The following PSMB2 variants were observed in gnomAD, a reference collection of about 807,000 sequenced individuals.
The protein encoded by PSMB2 is proteasome 20S subunit beta 2, also known as proteasome subunit beta type-2.
PSMB2 carries 13 observed loss-of-function variants against 25.7 expected under a neutral mutation model. That is an observed-to-expected ratio of 0.51 (90% CI 0.33 to 0.80). PSMB2 has a LOEUF of 0.80. Among genes scored for constraint, PSMB2 ranks in the 30% least tolerant of loss-of-function variants. PSMB2 has a pLI of 0.02. For missense variants in PSMB2, 202 were observed against 259.0 expected (o/e 0.78, Z 1.51); for synonymous variants, 87 against 96.2 (o/e 0.90, Z 0.56).
chr1:35,611,295 G>A (rs900017850), intron 3 of PSMB2, among the ~76,000 whole-genome samples: 5 of 152,072 alleles, frequency 3.3e-5, no homozygotes, highest in African/African-American at 1.2e-4. Flanking sequence ...TGATTAACAC[G>A]GCCACTTGGC....
intron 3 of PSMB2, among the ~76,000 whole-genome samples, chr1:35,610,430 GAGAA>G (rs758073469): frequency 4.9e-4 from 74 of 151,988 alleles, no homozygotes; most frequent in Middle Eastern, 3.4e-3. Context: ...CAAAAAAAAA[GAGAA>G]AGAGAGAGAA....
chr1:35,626,718 G>C (rs1269552021), intron 3 of PSMB2, among the ~76,000 whole-genome samples: 1 of 152,180 alleles, frequency 6.6e-6, no homozygotes, highest in Non-Finnish European at 1.5e-5. Context: ...GTAAAATGGG[G>C]ATAACACACA....
chr1:35,616,004 A>G (rs114895431), intron 3 of PSMB2, among the ~76,000 whole-genome samples: 12 of 152,344 alleles, frequency 7.9e-5, no homozygotes, highest in Non-Finnish European at 1.5e-4. Flanking sequence ...AAAACTGCCT[A>G]AAATTCCATC....
intron 2 of PSMB2, 190 bp from the exon 3 acceptor site, chr1:35,631,534 T>C: frequency 7.2e-7 from 1 of 1,395,050 alleles, no homozygotes; most frequent in South Asian, 1.6e-5. Context: ...AGCTGGTTAG[T>C]ACTGACAGCA....
intron 3 of PSMB2, among the ~76,000 whole-genome samples, chr1:35,629,739 A>G (rs1319101612): frequency 2.0e-5 from 3 of 151,134 alleles, no homozygotes; most frequent in Non-Finnish European, 4.4e-5. Flanking sequence ...GAACCCGGGA[A>G]GTTGAGGCTT....
intron 4 of PSMB2, among the ~76,000 whole-genome samples, chr1:35,608,330 A>C (rs1237723549): frequency 2.0e-5 from 3 of 151,138 alleles, no homozygotes; most frequent in African/African-American, 4.9e-5. Context: ...ACTCCACTGC[A>C]CTCCAGCCTG....
intron 3 of PSMB2, among the ~76,000 whole-genome samples, chr1:35,628,726 C>T (rs1043653274): frequency 6.9e-6 from 1 of 145,934 alleles, no homozygotes; most frequent in Admixed American, 7.0e-5. Context: ...TCCTACATGT[C>T]TCTAGCTTCT....
Position 35,631,358 on chromosome 1 carries a change from T to G in PSMB2, c.215-14A>C. 1 of 1,613,436 alleles carries G rather than the reference T, an allele frequency of 6.2e-7. No individual in the cohort carries two copies. Among genetic ancestry groups the G allele is most frequent in the Non-Finnish European group, 8.5e-7 (1 of 1,179,354 alleles). Reference sequence around the variant, plus strand: ...ACAATTCATATCCTGGTAGAAGAGATAAAGAGTCATACTTAAAGTAAAGCA... The same window carrying G: ...ACAATTCATATCCTGGTAGAAGAGAGAAAGAGTCATACTTAAAGTAAAGCA... On this transcript the variant is annotated splice_polypyrimidine_tract_variant and intron_variant, in intron 2 of 5. Transcript: ENST00000373237.
At chr1:35,638,662 T>C (rs1651310764) in intron 1 of PSMB2, among the ~76,000 whole-genome samples, 1 of 152,196 alleles carries the variant, frequency 6.6e-6, no homozygotes, top group African/African-American at 2.4e-5. Context: ...GAGAGAATTC[T>C]GTGTGGGCTG....
chr1:35,605,703 C>T (rs1245613992), intron 4 of PSMB2, among the ~76,000 whole-genome samples: 1 of 152,200 alleles, frequency 6.6e-6, no homozygotes, highest in East Asian at 1.9e-4. Flanking sequence ...GAATTTCAGC[C>T]TTGTTTTCCC....
intron 4 of PSMB2, among the ~76,000 whole-genome samples, chr1:35,609,015 T>C (rs1272253052): frequency 6.6e-6 from 1 of 152,262 alleles, no homozygotes; most frequent in Non-Finnish European, 1.5e-5. Flanking sequence ...AACCCAGCTC[T>C]AGAGATATGT....
chr1:35,606,699 C>T (rs1217226592), intron 4 of PSMB2, among the ~76,000 whole-genome samples: 1 of 152,054 alleles, frequency 6.6e-6, no homozygotes, highest in Non-Finnish European at 1.5e-5. Flanking sequence ...GGAAAAAAAT[C>T]CTAAGATTTG....
At chr1:35,626,951 G>A (rs1479125513) in intron 3 of PSMB2, among the ~76,000 whole-genome samples, 5 of 152,008 alleles carry the variant, frequency 3.3e-5, no homozygotes, top group Non-Finnish European at 7.4e-5. Flanking sequence ...AAGTCTACCA[G>A]GAGATTTTCC....
chr1:35,621,061 C>T (rs1452701351), intron 3 of PSMB2, among the ~76,000 whole-genome samples: 1 of 152,008 alleles, frequency 6.6e-6, no homozygotes, highest in East Asian at 1.9e-4. Flanking sequence ...CTATTTTGTA[C>T]ACAGTATCCC....
chr1:35,636,226 T>C, intron 2 of PSMB2, 84 bp downstream of exon 2: 1 of 1,518,334 alleles, frequency 6.6e-7, no homozygotes, highest in East Asian at 2.3e-5. Flanking sequence ...TACATTTCTG[T>C]TGTTTAAGCC....
chr1:35,617,452 G>T (rs1206049440), intron 3 of PSMB2, among the ~76,000 whole-genome samples: 1 of 152,144 alleles, frequency 6.6e-6, no homozygotes. Context: ...GTTTATAAAA[G>T]CCTTCAACCA....
intron 3 of PSMB2, among the ~76,000 whole-genome samples, chr1:35,628,596 A>AAAAAAAT (rs59538661): frequency 3.6e-4 from 9 of 25,108 alleles, no homozygotes; most frequent in Non-Finnish European, 5.3e-4. Flanking sequence ...AAAAAAAAAA[A>AAAAAAAT]ATATATATAT....
intron 3 of PSMB2, among the ~76,000 whole-genome samples, chr1:35,623,575 G>C (rs914075919): frequency 3.3e-5 from 5 of 152,204 alleles, no homozygotes; most frequent in Non-Finnish European, 5.9e-5. Flanking sequence ...CCAAGGCACT[G>C]CCATCTGCAG....
rs576947761 is a variant in PSMB2 at position 35,636,690 on chromosome 1, T to C, written c.92-258A>G. ...CAATATGGTATAACAACTATTTACA[T>C]AGCACTTATGTCATATTAAGTATTA... On this transcript the variant is annotated intron_variant, in intron 1 of 5. Transcript: ENST00000373237. 3.9e-5 allele frequency among the ~76,000 whole-genome samples: 6 copies of C among 152,296 alleles called. No homozygotes were observed. In the South Asian group the frequency reaches 1.0e-3, roughly 26 times the overall value.
Sources: allele counts gnomAD v4.1 joint callset (sites outside exome capture counted in the v4.1 genomes callset), GRCh38; gene constraint gnomAD v4.1.1; transcripts MANE v1.5; gene names NCBI Gene and HGNC (gene_info 2026-07-23, HGNC 2026-07-21).